GRAMD1B: variants seen among roughly 807,000 people sequenced by gnomAD.
The protein encoded by GRAMD1B is GRAM domain containing 1B, also known as protein Aster-B.
Under a neutral mutation model 99.7 loss-of-function variants are expected in GRAMD1B, and 37 were observed. The ratio of observed to expected loss-of-function variants is 0.37; its 90% CI spans 0.29 to 0.49. GRAMD1B has a LOEUF of 0.49. GRAMD1B is among the 20% of genes least tolerant of loss of function. GRAMD1B has a pLI of 0.98. For missense variants in GRAMD1B, 888 were observed against 1,009.2 expected, an observed-to-expected ratio of 0.88 and a Z score of 1.63; for synonymous variants, 427 against 387.6, an observed-to-expected ratio of 1.10 and a Z score of -1.19.
intron 2 of GRAMD1B, among the ~76,000 whole-genome samples, chr11:123,550,836 C>T (rs915210211): frequency 1.3e-5 from 2 of 152,060 alleles, no homozygotes; most frequent in Admixed American, 6.5e-5. Context: ...TCCTAGGGGC[C>T]GGGACTCTCT....
chr11:123,434,281 A>C, intron 1 of GRAMD1B, among the ~76,000 whole-genome samples: 1 of 150,936 alleles, frequency 6.6e-6, no homozygotes, highest in Non-Finnish European at 1.5e-5. Context: ...ACAAGAACAT[A>C]TGTATCTGAA....
chr11:123,592,424 G>A (rs1950764341), intron 4 of GRAMD1B, among the ~76,000 whole-genome samples: 1 of 152,148 alleles, frequency 6.6e-6, no homozygotes, highest in African/African-American at 2.4e-5. Flanking sequence ...TGCAAAATGG[G>A]ATAATAAAAA....
chr11:123,363,681 G>A (rs1475159529), intron 1 of GRAMD1B, among the ~76,000 whole-genome samples: 1 of 151,836 alleles, frequency 6.6e-6, no homozygotes, highest in African/African-American at 2.4e-5. Flanking sequence ...GGCTCACTTT[G>A]GCTGAACTTG....
chr11:123,385,849 G>A (rs1591398432), intron 1 of GRAMD1B, among the ~76,000 whole-genome samples: 1 of 152,110 alleles, frequency 6.6e-6, no homozygotes, highest in African/African-American at 2.4e-5. Flanking sequence ...GTCCTTCCCT[G>A]TGCCACTGTG....
At chr11:123,579,524 G>C (rs1949097513) in intron 3 of GRAMD1B, among the ~76,000 whole-genome samples, 1 of 152,216 alleles carries the variant, frequency 6.6e-6, no homozygotes, top group Non-Finnish European at 1.5e-5. Context: ...GTGGGCTCCA[G>C]CGGCTCGGCA....
At chr11:123,596,127 A>G (rs1419994303) in intron 7 of GRAMD1B, 90 bp downstream of exon 7, 1 of 723,886 alleles carries the variant, frequency 1.4e-6, no homozygotes, top group Non-Finnish European at 2.4e-6. Context: ...ATGAATGTGG[A>G]AGCCAATAGG....
intron 1 of GRAMD1B, among the ~76,000 whole-genome samples, chr11:123,450,801 A>G (rs1212525448): frequency 2.0e-5 from 3 of 152,126 alleles, no homozygotes; most frequent in African/African-American, 7.2e-5. Context: ...AGATGACAGG[A>G]TTAAGCTGGG....
intron 1 of GRAMD1B, among the ~76,000 whole-genome samples, chr11:123,415,611 T>C (rs56242539): frequency 0.18 from 27,039 of 151,898 alleles, 3,024 homozygotes; most frequent in African/African-American, 0.33. Context: ...TTGATCTGGG[T>C]AGCATGCAAT....
At chr11:123,570,440 T>TTTTC (rs1947947952) in intron 2 of GRAMD1B, among the ~76,000 whole-genome samples, 1 of 148,034 alleles carries the variant, frequency 6.8e-6, no homozygotes, top group African/African-American at 2.5e-5. Flanking sequence ...TTTTTTTTTT[T>TTTTC]TGAGATGGAG....
In GRAMD1B at chr11:123,595,003, C is replaced by A. The variant is rs151289875; in HGVS notation, c.873+165C>A. 4.1e-3 allele frequency among the ~76,000 whole-genome samples: 630 copies of A among 152,300 alleles called. 4 individuals are homozygous for A. The highest frequency in any genetic ancestry group is 0.014 in the South Asian group (68 of 4,826). ...ATATTCAATTCTAAGTCCCAATAATCAGGTCTCCTCTGCCATGTCTTCCCC... is the reference window on the plus strand; with the variant it reads ...ATATTCAATTCTAAGTCCCAATAATAAGGTCTCCTCTGCCATGTCTTCCCC... On this transcript the variant is annotated intron_variant, in intron 6 of 19. Transcript: ENST00000635736.
At chr11:123,378,692 G>A (rs1272681465) in intron 1 of GRAMD1B, among the ~76,000 whole-genome samples, 1 of 152,170 alleles carries the variant, frequency 6.6e-6, no homozygotes, top group Non-Finnish European at 1.5e-5. Flanking sequence ...ATGTTACAAG[G>A]GTTGAGTGTT....
Position 123,619,148 on chromosome 11 carries a change from C to A in GRAMD1B, c.2468C>A (p.Ser823Tyr). The change falls in exon 19 of 20, where the codon TCC (serine) becomes TAC (tyrosine). Residue 823 changes from serine to tyrosine, a missense_variant. Around this residue, in one of 5 missense-constraint regions of GRAMD1B, gnomAD observed 232 missense variants for 261.7 expected, o/e 0.89. Coordinates refer to ENST00000635736, the MANE Select transcript of GRAMD1B (RefSeq NM_001387025.1). ...SQTEWAQLLE[S>Y]QQKYHDTELQ... ...ACAGAATGGGCCCAGCTCTTAGAGT[C>A]CCAACAAAAGTACCACGATACTGAG... is the stretch of plus-strand genomic sequence containing the variant. 1 of 1,569,728 alleles carries A rather than the reference C, an allele frequency of 6.4e-7. No individual in the cohort carries two copies. The highest frequency in any genetic ancestry group is 1.2e-5 in the South Asian group (1 of 84,952).
chr11:123,389,437 A>G (rs556183931), intron 1 of GRAMD1B, among the ~76,000 whole-genome samples: 3 of 152,142 alleles, frequency 2.0e-5, no homozygotes, highest in Non-Finnish European at 2.9e-5. Context: ...CCTGACCAGT[A>G]CTCTTCAAAA....
rs749240242 is a variant in GRAMD1B, at chr11:123,610,469, C to G, written c.1919+131C>G. ...GACTCTCTTTATTCTACTTTCTCTC[C>G]GAAGCCTTATGAGGCTCACCCACCA... On this transcript the variant is annotated intron_variant, in intron 14 of 19. Transcript: ENST00000635736. The surrounding 1 kb of genome is among the most constrained non-coding windows in gnomAD (Gnocchi z 4.1). The G allele has an allele frequency of 1.3e-5, 11 of 874,092 alleles. No individual in the cohort carries two copies. Among genetic ancestry groups the G allele is most frequent in the Non-Finnish European group, 2.0e-5 (11 of 544,642 alleles). The allele number at this position is 874,092 out of a possible 1,614,324, so 54.1% of individuals were successfully genotyped here.
At chr11:123,467,499 AT>A (rs1950747221) in intron 1 of GRAMD1B, among the ~76,000 whole-genome samples, 1 of 144,170 alleles carries the variant, frequency 6.9e-6, no homozygotes, top group African/African-American at 2.6e-5. Flanking sequence ...CAGGCTTGAG[AT>A]GCAGCTTCCT....
chr11:123,620,126 G>T (rs1301817608), intron 19 of GRAMD1B, among the ~76,000 whole-genome samples: 1 of 152,148 alleles, frequency 6.6e-6, no homozygotes, highest in African/African-American at 2.4e-5. Context: ...CATGTGGGCG[G>T]TGCTCATTAA....
At chr11:123,430,127 T>C (rs1288232885), upstream of GRAMD1B, among the ~76,000 whole-genome samples, 1 of 152,108 alleles carries the variant, frequency 6.6e-6, no homozygotes, top group African/African-American at 2.4e-5. Context: ...GTCGAGTCCC[T>C]CCCCGAGGGA....
intron 1 of GRAMD1B, among the ~76,000 whole-genome samples, chr11:123,361,639 G>A (rs1014744068): frequency 6.6e-6 from 1 of 152,148 alleles, no homozygotes; most frequent in Admixed American, 6.5e-5. Flanking sequence ...TCCTTGATTT[G>A]ATCCAGTGCC....
chr11:123,518,009 G>A (rs912969475), intron 2 of GRAMD1B, among the ~76,000 whole-genome samples: 7 of 152,138 alleles, frequency 4.6e-5, no homozygotes, highest in East Asian at 3.9e-4. Flanking sequence ...AGCCACGGGG[G>A]TGATTAGAAA....
Sources: allele counts gnomAD v4.1 joint callset (sites outside exome capture counted in the v4.1 genomes callset), GRCh38; gene constraint gnomAD v4.1.1; regional missense constraint gnomAD v4.1.1; non-coding constraint Gnocchi (gnomAD v3.1); transcripts MANE v1.5; gene names NCBI Gene and HGNC (gene_info 2026-07-23, HGNC 2026-07-21).